GPHN: variants seen among roughly 807,000 people sequenced by gnomAD.
The protein encoded by GPHN is gephyrin.
In GPHN, 17 loss-of-function variants were observed where a neutral mutation model predicts 95.5. That is an observed-to-expected ratio of 0.18 (90% confidence interval 0.12 to 0.27). The LOEUF is 0.27. Ranked by LOEUF, GPHN falls within the 10% of genes least tolerant of loss-of-function variation. The pLI, the probability that GPHN is intolerant of heterozygous loss-of-function variation, is 1.00. For synonymous variants in GPHN, 320 were observed against 322.5 expected, an observed-to-expected ratio of 0.99 and a Z score of 0.08; for missense variants, 660 against 978.1, an observed-to-expected ratio of 0.67 and a Z score of 4.34.
At chr14:67,601,572 C>A in the GPHN span, among the ~76,000 whole-genome samples, 2 of 152,106 alleles carry the variant, frequency 1.3e-5, no homozygotes, top group African/African-American at 4.8e-5. Context: ...ATTTTTACTT[C>A]TGATGTGGCC....
intron 1 of GPHN, among the ~76,000 whole-genome samples, chr14:66,608,851 C>G (rs2062658256): frequency 1.3e-5 from 2 of 152,048 alleles, no homozygotes; most frequent in East Asian, 1.9e-4. Flanking sequence ...TTCTTTTTCC[C>G]TTTAATTTTG....
intron 3 of GPHN, among the ~76,000 whole-genome samples, chr14:66,792,710 A>G (rs897530383): frequency 6.6e-6 from 1 of 152,232 alleles, no homozygotes; most frequent in African/African-American, 2.4e-5. Context: ...TCAGTCAGGG[A>G]GACCCTAACC....
chr14:66,702,591 AAAC>A (rs1392812587), intron 2 of GPHN, among the ~76,000 whole-genome samples: 2 of 152,194 alleles, frequency 1.3e-5, no homozygotes, highest in Non-Finnish European at 1.5e-5. Flanking sequence ...ATTAAAGAGA[AAAC>A]AACAACAACA....
chr14:66,718,764 C>T (rs2070443745), intron 2 of GPHN, among the ~76,000 whole-genome samples: 2 of 152,286 alleles, frequency 1.3e-5, no homozygotes, highest in Admixed American at 1.3e-4. Context: ...CAGAAAAGTT[C>T]TCCAAGTCCC....
At chr14:67,338,710 CCTT>C in the GPHN span, 1 of 1,613,764 alleles carries the variant, frequency 6.2e-7, no homozygotes, top group Non-Finnish European at 8.5e-7. Context: ...TGCTCCAAGT[CCTT>C]CTCAGATTTT....
intron 8 of GPHN, among the ~76,000 whole-genome samples, chr14:66,926,113 C>A (rs1204714789): frequency 6.6e-6 from 1 of 151,982 alleles, no homozygotes; most frequent in Admixed American, 6.6e-5. Context: ...ATGTTTTTTC[C>A]TATAGAGTTG....
chr14:66,650,062 G>A (rs532327058), intron 1 of GPHN, among the ~76,000 whole-genome samples: 1 of 150,064 alleles, frequency 6.7e-6, no homozygotes, highest in East Asian at 2.0e-4. Flanking sequence ...ACCCAATGAT[G>A]AGATAGCAGA....
At chr14:67,725,249 T>C in the GPHN span, 8 of 1,613,218 alleles carry the variant, frequency 5.0e-6, no homozygotes, top group Non-Finnish European at 6.8e-6. Flanking sequence ...GAGGGCTTTC[T>C]GGCAGGTGAG....
At chr14:66,803,165 T>A (rs1566961832) in intron 3 of GPHN, among the ~76,000 whole-genome samples, 1 of 152,116 alleles carries the variant, frequency 6.6e-6, no homozygotes, top group Non-Finnish European at 1.5e-5. Context: ...CTAGGGATGG[T>A]CAGCTGAGTT....
chr14:67,378,939 C>A, the GPHN span, among the ~76,000 whole-genome samples: 1 of 152,154 alleles, frequency 6.6e-6, no homozygotes, highest in African/African-American at 2.4e-5. Context: ...ACATATGTGT[C>A]TATTATCATT....
At chr14:67,002,925 G>T (rs999445824) in intron 9 of GPHN, among the ~76,000 whole-genome samples, 1 of 151,570 alleles carries the variant, frequency 6.6e-6, no homozygotes, top group Non-Finnish European at 1.5e-5. Flanking sequence ...CAACCTGATT[G>T]AAACAAGTAT....
the GPHN span, chr14:67,343,441 AAAAT>A: frequency 6.3e-7 from 1 of 1,588,580 alleles, no homozygotes; most frequent in Non-Finnish European, 8.6e-7. Context: ...AAAGAAGTCT[AAAAT>A]AAGAACAAAT....
chr14:67,099,090 G>C (rs977032192), intron 12 of GPHN, among the ~76,000 whole-genome samples: 1 of 151,594 alleles, frequency 6.6e-6, no homozygotes, highest in African/African-American at 2.4e-5. Flanking sequence ...AAGCAATGAC[G>C]TCTATGTCTG....
At chr14:67,016,405 CATT>C (rs1478103942) in intron 9 of GPHN, among the ~76,000 whole-genome samples, 4 of 151,770 alleles carry the variant, frequency 2.6e-5, no homozygotes, top group African/African-American at 9.7e-5. Context: ...AATTTGAAAT[CATT>C]ATAAACATAA....
the GPHN span, among the ~76,000 whole-genome samples, chr14:67,500,340 G>A: frequency 6.6e-6 from 1 of 152,018 alleles, no homozygotes; most frequent in South Asian, 2.1e-4. Context: ...TGGGCATGGT[G>A]GCGGGCGCCT....
chr14:66,900,131 T>G (rs2065056050), intron 5 of GPHN, among the ~76,000 whole-genome samples: 1 of 151,738 alleles, frequency 6.6e-6, no homozygotes, highest in Non-Finnish European at 1.5e-5. Context: ...TATTGGTAAT[T>G]TCCATCTTTT....
chr14:67,576,399 C>G, the GPHN span: 1 of 1,590,786 alleles, frequency 6.3e-7, no homozygotes, highest in Non-Finnish European at 8.6e-7. The surrounding 1 kb of genome is among the most constrained non-coding windows in gnomAD (Gnocchi z 4.0). Flanking sequence ...TTCCAGGATA[C>G]GTGGCTCTAC....
the GPHN span, among the ~76,000 whole-genome samples, chr14:67,519,598 A>G: frequency 6.6e-6 from 1 of 152,170 alleles, no homozygotes; most frequent in African/African-American, 2.4e-5. Flanking sequence ...GAAATAAGGG[A>G]CTGTTACTAC....
the GPHN span, chr14:67,198,279 C>G: frequency 1.2e-6 from 2 of 1,613,722 alleles, no homozygotes; most frequent in Non-Finnish European, 1.7e-6. Context: ...AGAGTATGCC[C>G]CTTTTGTATC....
Sources: gnomAD v4.1 joint callset for allele counts (sites outside exome capture counted in the v4.1 genomes callset) on GRCh38, gnomAD v4.1.1 for gene constraint, Gnocchi (gnomAD v3.1) non-coding constraint, MANE v1.5 for transcripts, NCBI Gene and HGNC (gene_info 2026-07-23, HGNC 2026-07-21) for gene names.